The following PCGF6 variants were observed in gnomAD, a reference collection of about 807,000 sequenced individuals.
PCGF6 encodes the protein polycomb group RING finger protein 6.
PCGF6 carries 24 observed loss-of-function variants against 45.5 expected under a neutral mutation model. The observed-to-expected ratio is 0.53, with a 90% CI of 0.38 to 0.74. The LOEUF (loss-of-function observed/expected upper bound fraction) is 0.74. PCGF6 is among the 30% of genes least tolerant of loss of function. The pLI, the probability that PCGF6 is intolerant of heterozygous loss-of-function variation, is 0.00. For missense variants in PCGF6, 356 were observed against 443.2 expected (o/e 0.80, Z 1.77); for synonymous variants, 152 against 162.1 (o/e 0.94, Z 0.47).
chr10:103,350,176 G>A lies in PCGF6; in HGVS notation c.360+531C>T, dbSNP rs111649652. ...ATACAGGACAGGCAACGTGGCTCACGCATGTAATCTTTCGGAAGGCCAGAG... is the reference window on the plus strand; with the variant it reads ...ATACAGGACAGGCAACGTGGCTCACACATGTAATCTTTCGGAAGGCCAGAG... On this transcript the variant is annotated intron_variant, in intron 1 of 9. Coordinates refer to ENST00000369847, the MANE Select transcript of PCGF6 (RefSeq NM_001011663.2). Among the ~76,000 whole-genome samples the A allele has an allele frequency of 3.8e-3, 581 of 151,852 alleles. 1 individual carries two copies. Among genetic ancestry groups the A allele is most frequent in the African/African-American group, 0.012 (489 of 41,438 alleles).
intron 6 of PCGF6, among the ~76,000 whole-genome samples, chr10:103,344,281 T>A (rs1467516724): frequency 6.6e-6 from 1 of 151,840 alleles, no homozygotes; most frequent in Admixed American, 6.6e-5. Context: ...CACTTTTTTT[T>A]TTTTTTTTGA....
intron 7 of PCGF6, among the ~76,000 whole-genome samples, chr10:103,328,532 T>C (rs2093227651): frequency 6.6e-6 from 1 of 152,020 alleles, no homozygotes; most frequent in Admixed American, 6.6e-5. Flanking sequence ...TAATAGTGAG[T>C]CTTTGGGCAA....
Position 103,351,080 on chromosome 10 carries a change from A to G in PCGF6, c.-14T>C. 1 of 1,358,398 alleles carries G rather than the reference A, an allele frequency of 7.4e-7. No homozygotes were observed. Among genetic ancestry groups the G allele is most frequent in the Non-Finnish European group, 9.5e-7 (1 of 1,054,888 alleles). The allele number at this position is 1,358,398 out of a possible 1,614,324, so 84.1% of individuals were successfully genotyped here. ...GACCCCCTCCATGGTCGGGAGAGAC[A>G]CCAGGCGAGGCGAGGCGGCGGGAGA... On this transcript the variant is annotated 5_prime_UTR_variant, in exon 1 of 10. Coordinates refer to ENST00000369847, the MANE Select transcript of PCGF6 (RefSeq NM_001011663.2).
At chr10:103,333,834 T>A (rs534730262) in intron 7 of PCGF6, 91 bp downstream of exon 7, 109 of 861,564 alleles carry the variant, frequency 1.3e-4, no homozygotes, top group Admixed American at 7.0e-4. Context: ...AAATAACTTA[T>A]TTATACAATC....
chr10:103,333,092 C>A (rs2093245958), intron 7 of PCGF6, among the ~76,000 whole-genome samples: 1 of 149,224 alleles, frequency 6.7e-6, no homozygotes, highest in African/African-American at 2.5e-5. Context: ...GTGCTCTAGC[C>A]TGGGCAACAG....
chr10:103,321,307 C>T (rs2093196478), intron 8 of PCGF6, among the ~76,000 whole-genome samples: 1 of 152,076 alleles, frequency 6.6e-6, no homozygotes, highest in African/African-American at 2.4e-5. Context: ...CATTTTATTT[C>T]AAAATGCTAA....
intron 9 of PCGF6, among the ~76,000 whole-genome samples, chr10:103,311,345 T>C (rs1358712907): frequency 1.3e-5 from 2 of 152,034 alleles, no homozygotes; most frequent in Non-Finnish European, 2.9e-5. Context: ...TTTCAGGATG[T>C]TGGCCAGGCT....
At chr10:103,338,401 C>A (rs1247374685) in intron 6 of PCGF6, among the ~76,000 whole-genome samples, 1 of 151,480 alleles carries the variant, frequency 6.6e-6, no homozygotes, top group African/African-American at 2.4e-5. Context: ...AAAAATTAGC[C>A]GGGCGTGGTG....
At chr10:103,314,083 T>A in intron 9 of PCGF6, 103 bp downstream of exon 9, 1 of 491,866 alleles carries the variant, frequency 2.0e-6, no homozygotes, top group Non-Finnish European at 3.5e-6. Context: ...ATAGTGTAGG[T>A]AATTTTAAGA....
chr10:103,339,813 ACACACACACACACACACACACACACAC>A (rs2093273190), intron 6 of PCGF6, among the ~76,000 whole-genome samples: 2 of 16,946 alleles, frequency 1.2e-4, no homozygotes, highest in African/African-American at 2.2e-4. Context: ...AAAAAAAAAC[ACACACACACACACACACACACACACAC>A]ACACACACAC....
At chr10:103,349,727 C>T (rs1372185915) in intron 1 of PCGF6, among the ~76,000 whole-genome samples, 1 of 150,224 alleles carries the variant, frequency 6.7e-6, no homozygotes, top group Non-Finnish European at 1.5e-5. Context: ...CCTGCCTCGG[C>T]CTCCCAAAGT....
At chr10:103,343,677 A>G (rs1238961577) in intron 6 of PCGF6, among the ~76,000 whole-genome samples, 3 of 151,876 alleles carry the variant, frequency 2.0e-5, no homozygotes, top group Non-Finnish European at 2.9e-5. Flanking sequence ...TACTAAAACT[A>G]CAAAAATTAG....
Position 103,347,316 on chromosome 10 carries a change from C to T in PCGF6, c.614-19G>A. Reference sequence around the variant, plus strand: ...TTTTCTCCTAAAAAATGATAAAACACAGACTAAATTACACTTAAAATGTAA... The same window carrying T: ...TTTTCTCCTAAAAAATGATAAAACATAGACTAAATTACACTTAAAATGTAA... On this transcript the variant is annotated intron_variant, in intron 4 of 9. Coordinates refer to ENST00000369847, the MANE Select transcript of PCGF6 (RefSeq NM_001011663.2). 1 of 1,597,144 alleles carries T rather than the reference C, an allele frequency of 6.3e-7. No homozygotes were observed. Among genetic ancestry groups the T allele is most frequent in the Non-Finnish European group, 8.6e-7 (1 of 1,164,974 alleles).
At chr10:103,350,647 G>T in intron 1 of PCGF6, 60 bp downstream of exon 1, 2 of 1,376,930 alleles carry the variant, frequency 1.5e-6, no homozygotes, top group Non-Finnish European at 1.9e-6. Context: ...GGCAGACGAG[G>T]GCCAGCTACG....
At chr10:103,308,401 CT>C (rs769878283) in intron 9 of PCGF6, among the ~76,000 whole-genome samples, 256 of 144,262 alleles carry the variant, frequency 1.8e-3, no homozygotes, top group Middle Eastern at 3.7e-3. Context: ...GATTTTAGAG[CT>C]TTTTTTTTTT....
intron 6 of PCGF6, among the ~76,000 whole-genome samples, chr10:103,337,908 C>A (rs2093263335): frequency 9.2e-6 from 1 of 109,036 alleles, no homozygotes; most frequent in Non-Finnish European, 2.0e-5. Flanking sequence ...ACTAAAAATA[C>A]AAAAAATTAG....
chr10:103,318,810 A>G (rs1234791521), intron 8 of PCGF6, among the ~76,000 whole-genome samples: 1 of 152,194 alleles, frequency 6.6e-6, no homozygotes, highest in East Asian at 1.9e-4. Context: ...CAACTACCAA[A>G]TTGCAGTTAG....
intron 1 of PCGF6, among the ~76,000 whole-genome samples, chr10:103,349,834 G>A (rs1030667886): frequency 6.6e-6 from 1 of 150,520 alleles, no homozygotes; most frequent in Admixed American, 6.6e-5. Flanking sequence ...TGTAATCCCA[G>A]CACTTTGGGA....
intron 6 of PCGF6, among the ~76,000 whole-genome samples, chr10:103,339,450 A>C (rs1488705524): frequency 6.6e-6 from 1 of 151,714 alleles, no homozygotes; most frequent in Admixed American, 6.6e-5. Context: ...CATCATAACC[A>C]ACAATTTCTA....
Sources: allele counts gnomAD v4.1 joint callset (sites outside exome capture counted in the v4.1 genomes callset), GRCh38; gene constraint gnomAD v4.1.1; transcripts MANE v1.5; gene names NCBI Gene and HGNC (gene_info 2026-07-23, HGNC 2026-07-21).